The following SLC14A2 variants were observed in gnomAD, a reference collection of about 807,000 sequenced individuals.
SLC14A2 encodes urea transporter 2.
A neutral mutation model predicts 104.6 loss-of-function variants in SLC14A2; 91 were observed. That is an observed-to-expected ratio of 0.87 (90% CI 0.73 to 1.04). SLC14A2 has a LOEUF of 1.04. Ranked by LOEUF, SLC14A2 falls within the 50% of genes least tolerant of loss-of-function variation. The pLI, the probability that SLC14A2 is intolerant of heterozygous loss-of-function variation, is 0.00. For missense variants in SLC14A2, 1,189 were observed against 1,156.0 expected, an observed-to-expected ratio of 1.03 and a Z score of -0.41; for synonymous variants, 476 against 466.4, an observed-to-expected ratio of 1.02 and a Z score of -0.27.
intron 1 of SLC14A2, among the ~76,000 whole-genome samples, chr18:45,213,464 A>G (rs1250028611): frequency 3.3e-5 from 5 of 152,224 alleles, no homozygotes; most frequent in Non-Finnish European, 1.5e-5. Flanking sequence ...TACTATACCT[A>G]GATTAACCCA....
chr18:45,287,547 G>A (rs1298868470), intron 1 of SLC14A2, among the ~76,000 whole-genome samples: 8 of 152,196 alleles, frequency 5.3e-5, no homozygotes, highest in Admixed American at 5.2e-4. Flanking sequence ...TTTGCTGCCT[G>A]TGGCTTTCCT....
chr18:45,572,643 A>T (rs2044364199), intron 2 of SLC14A2, among the ~76,000 whole-genome samples: 1 of 152,220 alleles, frequency 6.6e-6, no homozygotes. Context: ...CATCTTTGAG[A>T]TGCAACCTTC....
chr18:45,648,087 C>T (rs1405092255), intron 10 of SLC14A2: 1 of 151,368 alleles, frequency 6.6e-6, no homozygotes, highest in Admixed American at 6.6e-5. Context: ...AAACATTTAC[C>T]TCATATAATT....
At chr18:45,323,845 TGGG>T (rs35222776) in intron 1 of SLC14A2, among the ~76,000 whole-genome samples, 2 of 152,222 alleles carry the variant, frequency 1.3e-5, no homozygotes, top group African/African-American at 2.4e-5. Context: ...TCCTGTTTTC[TGGG>T]GCATTTGCAC....
At chr18:45,297,838 A>G (rs1051841591) in intron 1 of SLC14A2, among the ~76,000 whole-genome samples, 21 of 152,176 alleles carry the variant, frequency 1.4e-4, no homozygotes, top group African/African-American at 4.1e-4. Context: ...GCACCCAACC[A>G]ACCCACGGAA....
At chr18:45,443,647 C>T (rs1401398280) in intron 1 of SLC14A2, among the ~76,000 whole-genome samples, 1 of 152,032 alleles carries the variant, frequency 6.6e-6, no homozygotes, top group Non-Finnish European at 1.5e-5. Context: ...GTTCTAGTTT[C>T]TGTGATCTTC....
At chr18:45,284,629 A>T (rs2084795502) in intron 1 of SLC14A2, among the ~76,000 whole-genome samples, 1 of 151,810 alleles carries the variant, frequency 6.6e-6, no homozygotes. Flanking sequence ...TCCCCATTTC[A>T]CTTTTCATCT....
chr18:45,192,329 A>G, the SLC14A2 span, among the ~76,000 whole-genome samples: 2 of 152,212 alleles, frequency 1.3e-5, no homozygotes, highest in African/African-American at 4.8e-5. Context: ...TGACATATGT[A>G]TATATGGTTG....
At chr18:45,198,387 T>A in the SLC14A2 span, among the ~76,000 whole-genome samples, 1 of 152,148 alleles carries the variant, frequency 6.6e-6, no homozygotes, top group Non-Finnish European at 1.5e-5. Flanking sequence ...ATTCTTTCAG[T>A]CTATTTAAAA....
At chr18:45,304,410 T>C (rs1471636961) in intron 1 of SLC14A2, among the ~76,000 whole-genome samples, 1 of 152,190 alleles carries the variant, frequency 6.6e-6, no homozygotes, top group Non-Finnish European at 1.5e-5. Context: ...TGGCCAGCAA[T>C]GCGGTTTTGT....
At chr18:45,512,929 T>C (rs2043387182) in intron 2 of SLC14A2, among the ~76,000 whole-genome samples, 2 of 152,328 alleles carry the variant, frequency 1.3e-5, no homozygotes, top group South Asian at 4.1e-4. Context: ...TGCAGGTAAA[T>C]CCAAGGTTCT....
At chr18:45,609,906 C>T (rs2044943632) in intron 2 of SLC14A2, among the ~76,000 whole-genome samples, 1 of 152,292 alleles carries the variant, frequency 6.6e-6, no homozygotes, top group East Asian at 1.9e-4. Flanking sequence ...AGGTGCTTGC[C>T]ATTTCCTTTC....
chr18:45,530,413 A>G (rs2043665426), intron 2 of SLC14A2, among the ~76,000 whole-genome samples: 1 of 152,216 alleles, frequency 6.6e-6, no homozygotes, highest in Admixed American at 6.5e-5. Flanking sequence ...CTACAAAAAC[A>G]TAGAAATATC....
At chr18:45,550,624 T>C (rs982070529) in intron 2 of SLC14A2, among the ~76,000 whole-genome samples, 5 of 152,224 alleles carry the variant, frequency 3.3e-5, no homozygotes, top group African/African-American at 1.2e-4. Context: ...GAGTCATTTA[T>C]TGAGCCCCTC....
At chr18:45,344,111 T>C (rs1019761013) in intron 1 of SLC14A2, among the ~76,000 whole-genome samples, 1 of 152,204 alleles carries the variant, frequency 6.6e-6, no homozygotes, top group African/African-American at 2.4e-5. Context: ...GTCACAATCA[T>C]TGTCATTATA....
At chr18:45,661,455 C>T (rs954493075) in intron 10 of SLC14A2, among the ~76,000 whole-genome samples, 4 of 152,110 alleles carry the variant, frequency 2.6e-5, no homozygotes, top group African/African-American at 9.7e-5. Flanking sequence ...CTGTGCCTTT[C>T]GATATAATGC....
intron 1 of SLC14A2, among the ~76,000 whole-genome samples, chr18:45,340,738 T>G (rs1274088296): frequency 6.6e-6 from 1 of 152,230 alleles, no homozygotes; most frequent in Non-Finnish European, 1.5e-5. Context: ...ACACTGTGTT[T>G]GTCAGAAAGG....
chr18:45,288,837 G>A (rs1197519552), intron 1 of SLC14A2, among the ~76,000 whole-genome samples: 1 of 152,186 alleles, frequency 6.6e-6, no homozygotes, highest in Non-Finnish European at 1.5e-5. Context: ...GAAGGTATAT[G>A]GAGACAGGGC....
At chr18:45,334,795 C>G (rs2085323092) in intron 1 of SLC14A2, among the ~76,000 whole-genome samples, 1 of 152,148 alleles carries the variant, frequency 6.6e-6, no homozygotes, top group South Asian at 2.1e-4. Flanking sequence ...TGAATGGTGA[C>G]TGTGATTGGC....
Sources: allele counts gnomAD v4.1 joint callset (sites outside exome capture counted in the v4.1 genomes callset), GRCh38; gene constraint gnomAD v4.1.1; transcripts MANE v1.5; gene names NCBI Gene and HGNC (gene_info 2026-07-23, HGNC 2026-07-21).